The following INSYN2B variants were observed in gnomAD, a reference collection of about 807,000 sequenced individuals.
INSYN2B encodes the protein inhibitory synaptic factor family member 2B.
A neutral mutation model predicts 41.2 loss-of-function variants in INSYN2B; 16 were observed. The ratio of observed to expected loss-of-function variants is 0.39; its 90% confidence interval spans 0.26 to 0.59. INSYN2B has a LOEUF of 0.59. INSYN2B is among the 20% of genes least tolerant of loss of function. The probability of loss-of-function intolerance (pLI) is 0.57; values close to 1 mark genes in which losing one functional copy is unlikely to be tolerated. For missense variants in INSYN2B, 608 were observed against 646.4 expected, an observed-to-expected ratio of 0.94 and a Z score of 0.64; for synonymous variants, 245 against 244.4, an observed-to-expected ratio of 1.00 and a Z score of -0.02.
chr5:169,920,875 G>T (rs1031649278), intron 1 of INSYN2B, among the ~76,000 whole-genome samples: 19 of 142,696 alleles, frequency 1.3e-4, no homozygotes, highest in African/African-American at 4.8e-4. Flanking sequence ...TCTCCTCCAA[G>T]CCCAGTAGTG....
chr5:169,883,771 C>A lies in INSYN2B; in HGVS notation c.128G>T (p.Gly43Val). The change falls in exon 2 of 4, where the codon GGG (glycine) becomes GTG (valine). Residue 43 changes from glycine to valine, a missense_variant. Gly to Val is a moderately radical substitution (Grantham distance 109). Coordinates refer to ENST00000377365, the MANE Select transcript of INSYN2B (RefSeq NM_001129891.3). Reference protein sequence around the residue: ...KSQQVRFKEDGTTKNPTGLAE... With the variant: ...KSQQVRFKEDVTTKNPTGLAE... Reference sequence around the variant, plus strand: ...TAGGCCAGTTGGATTCTTAGTGGTCCCATCTTCCTTGAATCTCACCTGCTG... The same window carrying A: ...TAGGCCAGTTGGATTCTTAGTGGTCACATCTTCCTTGAATCTCACCTGCTG... 6.4e-7 allele frequency: 1 copy of A among 1,551,550 alleles called. No individual in the cohort carries two copies. Among genetic ancestry groups the A allele is most frequent in the Non-Finnish European group, 8.7e-7 (1 of 1,146,922 alleles).
At chr5:169,864,807 T>C (rs555043354) in intron 3 of INSYN2B, among the ~76,000 whole-genome samples, 1 of 152,250 alleles carries the variant, frequency 6.6e-6, no homozygotes, top group East Asian at 1.9e-4. Context: ...TATTAAAAAA[T>C]TGAGATAATG....
chr5:169,910,163 G>A (rs570892438), intron 1 of INSYN2B, among the ~76,000 whole-genome samples: 43 of 152,280 alleles, frequency 2.8e-4, no homozygotes, highest in African/African-American at 9.6e-4. Context: ...AGTTCTAGAT[G>A]ATTAGTACCG....
chr5:169,914,423 C>T (rs149867058), intron 1 of INSYN2B, among the ~76,000 whole-genome samples: 10 of 152,280 alleles, frequency 6.6e-5, no homozygotes, highest in South Asian at 4.1e-4. Flanking sequence ...GGGGAATATC[C>T]GTGAACCAGA....
intron 1 of INSYN2B, among the ~76,000 whole-genome samples, chr5:169,957,766 C>A (rs560815909): frequency 1.3e-5 from 2 of 152,174 alleles, no homozygotes; most frequent in African/African-American, 4.8e-5. Flanking sequence ...CTGTTCATGA[C>A]CCTGTTAGCC....
chr5:169,923,989 C>T (rs919272662), intron 1 of INSYN2B, among the ~76,000 whole-genome samples: 5 of 152,192 alleles, frequency 3.3e-5, no homozygotes, highest in Admixed American at 6.5e-5. Flanking sequence ...GGATTAATAA[C>T]GTTTATCATT....
intron 1 of INSYN2B, among the ~76,000 whole-genome samples, chr5:169,940,658 C>A (rs1776204465): frequency 6.6e-6 from 1 of 152,196 alleles, no homozygotes; most frequent in African/African-American, 2.4e-5. Flanking sequence ...AGATCCCTCA[C>A]ATGCACAGTT....
intron 2 of INSYN2B, among the ~76,000 whole-genome samples, chr5:169,882,108 A>AATAGTAAG (rs1772689085): frequency 2.0e-5 from 3 of 152,230 alleles, no homozygotes. Context: ...GGGGAAGGTC[A>AATAGTAAG]ATAGTAAGCT....
intron 3 of INSYN2B, chr5:169,875,144 A>G (rs1772241546): frequency 2.2e-6 from 1 of 451,748 alleles, no homozygotes; most frequent in South Asian, 1.6e-5. Context: ...AAAACTTTCT[A>G]GTAAATCAAG....
At chr5:169,964,927 A>G (rs75996177) in intron 1 of INSYN2B, among the ~76,000 whole-genome samples, 2,995 of 152,304 alleles carry the variant, frequency 0.02, 150 homozygotes, top group Admixed American at 0.11. Flanking sequence ...GCTCATGACT[A>G]TTATTCTGTT....
chr5:169,977,347 C>T (rs1011321892), intron 1 of INSYN2B, among the ~76,000 whole-genome samples: 2 of 152,200 alleles, frequency 1.3e-5, no homozygotes, highest in African/African-American at 2.4e-5. Context: ...TCATCATTTC[C>T]TCTGTCCAGG....
chr5:169,972,773 T>C (rs562207968), intron 1 of INSYN2B, among the ~76,000 whole-genome samples: 1 of 152,288 alleles, frequency 6.6e-6, no homozygotes, highest in African/African-American at 2.4e-5. Context: ...GACTGAGGAA[T>C]TGTCTAGGAA....
At chr5:169,902,036 G>A (rs1028118653) in intron 1 of INSYN2B, among the ~76,000 whole-genome samples, 1 of 152,086 alleles carries the variant, frequency 6.6e-6, no homozygotes, top group Non-Finnish European at 1.5e-5. Context: ...TCAGTCAAAC[G>A]GTTTGTTTCT....
intron 1 of INSYN2B, among the ~76,000 whole-genome samples, chr5:169,907,235 C>T (rs557799279): frequency 1.5e-3 from 228 of 152,112 alleles, no homozygotes; most frequent in Non-Finnish European, 2.7e-3. Flanking sequence ...ATTTGGTTTG[C>T]GTCATTCTTA....
At chr5:169,954,848 G>A (rs1442815124) in intron 1 of INSYN2B, among the ~76,000 whole-genome samples, 1 of 152,228 alleles carries the variant, frequency 6.6e-6, no homozygotes, top group Non-Finnish European at 1.5e-5. Flanking sequence ...GCAAGTGTGT[G>A]TAACCCAATG....
chr5:169,867,621 CTATCATCT>C (rs2113440974), intron 3 of INSYN2B, among the ~76,000 whole-genome samples: 1 of 84,650 alleles, frequency 1.2e-5, no homozygotes, highest in East Asian at 2.2e-4. Flanking sequence ...GTATCATTAT[CTATCATCT>C]ATCTATCTAT....
At chr5:169,871,806 T>A (rs1358282838) in intron 3 of INSYN2B, among the ~76,000 whole-genome samples, 1 of 152,164 alleles carries the variant, frequency 6.6e-6, no homozygotes, top group Non-Finnish European at 1.5e-5. Flanking sequence ...GGGGACGCTT[T>A]ATGGACCAGC....
At chr5:169,959,454 A>T (rs539007525) in intron 1 of INSYN2B, among the ~76,000 whole-genome samples, 7 of 152,260 alleles carry the variant, frequency 4.6e-5, no homozygotes, top group African/African-American at 7.2e-5. Context: ...AACTGGTGTG[A>T]TGGCTTGATG....
At chr5:169,916,527 A>G (rs993742526) in intron 1 of INSYN2B, among the ~76,000 whole-genome samples, 12 of 152,222 alleles carry the variant, frequency 7.9e-5, no homozygotes, top group Non-Finnish European at 1.3e-4. Context: ...CTGACTAGCT[A>G]TTGGGCAACC....
Sources: allele counts gnomAD v4.1 joint callset (sites outside exome capture counted in the v4.1 genomes callset), GRCh38; gene constraint gnomAD v4.1.1; transcripts MANE v1.5; gene names NCBI Gene and HGNC (gene_info 2026-07-23, HGNC 2026-07-21).